The following TTI1 variants were observed in gnomAD, a reference collection of about 807,000 sequenced individuals.
The protein encoded by TTI1 is TELO2-interacting protein 1 homolog.
Under a neutral mutation model 85.4 loss-of-function variants are expected in TTI1, and 52 were observed. The observed-to-expected ratio is 0.61, with a 90% CI of 0.49 to 0.77. TTI1 has a LOEUF of 0.77. Ranked by LOEUF, TTI1 falls within the 30% of genes least tolerant of loss-of-function variation. The pLI is 0.00. For missense variants in TTI1, 1,173 were observed against 1,296.0 expected (o/e 0.91, Z 1.46); for synonymous variants, 512 against 503.9 (o/e 1.02, Z -0.22).
In TTI1 at chr20:38,012,186, T is replaced by C; in HGVS notation, c.1631A>G (p.Lys544Arg). ...TTCTTCTGGGTTTGTTTTAATATGT[T>C]TTTCGTGAAGATCCTCAACCTCCAG... Reference protein sequence around the residue: ...AGLEVEDLHEKHIKTNPEELR... With the variant: ...AGLEVEDLHERHIKTNPEELR... Residue 544 changes from lysine to arginine, a missense_variant, in exon 2 of 8, where the codon AAA (lysine) becomes AGA (arginine). Physicochemically the swap from Lys to Arg is conservative, Grantham distance 26 (BLOSUM62 2). Coordinates refer to ENST00000373447, the MANE Select transcript of TTI1 (RefSeq NM_001303457.2). The C allele has an allele frequency of 1.2e-6, 2 of 1,614,160 alleles. No homozygotes were observed. Among genetic ancestry groups the C allele is most frequent in the Non-Finnish European group, 1.7e-6 (2 of 1,180,026 alleles).
At chr20:38,002,842 G>T (rs777623310) in intron 3 of TTI1, 66 bp from the exon 4 acceptor site, 33 of 1,592,020 alleles carry the variant, frequency 2.1e-5, no homozygotes, top group Non-Finnish European at 2.8e-5. Context: ...CTAAATTTCT[G>T]TTCTTTATAA....
chr20:38,027,980 G>A (rs1445652682), intron 1 of TTI1, among the ~76,000 whole-genome samples: 1 of 152,142 alleles, frequency 6.6e-6, no homozygotes, highest in Non-Finnish European at 1.5e-5. Flanking sequence ...AGTGGAAGTA[G>A]ATCATTACAC....
At chr20:38,023,609 C>A (rs2073798595) in intron 1 of TTI1, among the ~76,000 whole-genome samples, 1 of 152,196 alleles carries the variant, frequency 6.6e-6, no homozygotes, top group Non-Finnish European at 1.5e-5. Context: ...GAGTTTATTT[C>A]TCTTCCCAGC....
intron 1 of TTI1, among the ~76,000 whole-genome samples, chr20:38,027,472 A>G (rs1168431785): frequency 1.3e-5 from 2 of 152,218 alleles, no homozygotes; most frequent in Admixed American, 1.3e-4. Context: ...AAAAATCTCT[A>G]TAAATTTTGA....
chr20:37,992,572 C>T (rs558524154), intron 7 of TTI1, among the ~76,000 whole-genome samples: 4 of 152,286 alleles, frequency 2.6e-5, no homozygotes, highest in East Asian at 1.9e-4. Context: ...CCACAGCACA[C>T]GGCCTGACTT....
intron 3 of TTI1, 37 bp from the exon 4 acceptor site, chr20:38,002,813 A>T (rs1446441616): frequency 1.2e-6 from 2 of 1,605,390 alleles, no homozygotes; most frequent in African/African-American, 2.7e-5. Context: ...GTGTTGTATG[A>T]GTGATAAAAC....
chr20:37,985,529 AT>A (rs751721782), intron 7 of TTI1, among the ~76,000 whole-genome samples: 430 of 140,312 alleles, frequency 3.1e-3, no homozygotes, highest in Non-Finnish European at 2.8e-3. Context: ...AGGGCACTGA[AT>A]TTTTTTTTTT....
chr20:37,988,277 G>C (rs765433960), intron 7 of TTI1, among the ~76,000 whole-genome samples: 10 of 152,210 alleles, frequency 6.6e-5, no homozygotes, highest in Non-Finnish European at 1.3e-4. Context: ...TCAGTTCTAA[G>C]ATCCCTGGTA....
rs771734821 is a variant in TTI1 at position 38,011,570 on chromosome 20, G to A, written c.2247C>T (p.Tyr749=). Residue 749 remains tyrosine, a synonymous_variant, in exon 2 of 8, where the codon TAC becomes TAT. Coordinates refer to ENST00000373447, the MANE Select transcript of TTI1 (RefSeq NM_001303457.2). The part of the protein sequence containing the change: ...QDVLATLDQF[Y]DKRAASFVSV... ...TGACAAAGGAAGCAGCTCTCTTATC[G>A]TAAAATTGGTCCAGGGTGGCCAAGA... 6.8e-6 allele frequency: 11 copies of A among 1,614,084 alleles called. No individual in the cohort carries two copies. Among genetic ancestry groups the A allele is most frequent in the South Asian group, 4.4e-5 (4 of 91,082 alleles).
At chr20:38,030,720 C>G (rs1370666936) in intron 1 of TTI1, among the ~76,000 whole-genome samples, 1 of 152,104 alleles carries the variant, frequency 6.6e-6, no homozygotes, top group Non-Finnish European at 1.5e-5. Context: ...TTGAAGAATC[C>G]TAGGACTCAG....
chr20:38,030,528 AACACACACAC>A (rs3038751), intron 1 of TTI1, among the ~76,000 whole-genome samples: 21 of 144,840 alleles, frequency 1.4e-4, no homozygotes, highest in Non-Finnish European at 2.4e-4. Flanking sequence ...CAGTATGTAA[AACACACACAC>A]ACACACACAC....
chr20:37,999,224 T>C lies in TTI1; in HGVS notation c.2757A>G (p.Thr919=), dbSNP rs1234566942. 2.0e-6 allele frequency: 3 copies of C among 1,512,060 alleles called. No homozygotes were observed. Among genetic ancestry groups the C allele is most frequent in the Non-Finnish European group, 2.7e-6 (3 of 1,128,238 alleles). The allele number at this position is 1,512,060 out of a possible 1,614,324, so 93.7% of individuals were successfully genotyped here. A position where few individuals can be genotyped will look rare whatever the true frequency, so the allele number is the denominator to read the frequency against. ...QAWPSLVHRL[T]RDAPLAVLRA... ...TAAGCACTGCCAGGGGGGCGTCCCG[T>C]GTGAGTCGGTGAACGAGCGAGGGCC... Residue 919 remains threonine, a synonymous_variant, in exon 5 of 8, where the codon ACA becomes ACG. Transcript: ENST00000373447.
intron 4 of TTI1, among the ~76,000 whole-genome samples, chr20:38,001,116 G>T (rs139490187): frequency 6.6e-6 from 1 of 152,296 alleles, no homozygotes; most frequent in East Asian, 1.9e-4. Context: ...GGAGTTCCAT[G>T]AAGACAGGGA....
Position 37,983,139 on chromosome 20 carries a change from A to C in TTI1, c.*317T>G. 1 of 230,312 alleles carries C rather than the reference A, an allele frequency of 4.3e-6. No homozygotes were observed. The allele number at this position is 230,312 out of a possible 1,614,324, so 14.3% of individuals were successfully genotyped here. On this transcript the variant is annotated 3_prime_UTR_variant, in exon 8 of 8. Coordinates refer to ENST00000373447, the MANE Select transcript of TTI1 (RefSeq NM_001303457.2). ...GGGAGGTGTATGCAGATGGAGGGGA[A>C]CTGACCTCTTGTGTGTGTGTGTGTG... is the stretch of plus-strand genomic sequence containing the variant.
rs1181553609 is a variant in TTI1 at position 38,020,324 on chromosome 20, ATATAT to A, written c.-41-6472_-41-6468del. On this transcript the variant is annotated intron_variant, in intron 1 of 7. Coordinates refer to ENST00000373447, the MANE Select transcript of TTI1 (RefSeq NM_001303457.2). ...GCTACTCATATGAAAAAAAAAAAAA[ATATAT>A]ATATATATATATATATATATATATG... is the stretch of plus-strand genomic sequence containing the variant. Among the ~76,000 whole-genome samples the A allele has an allele frequency of 1.4e-3, 63 of 45,796 alleles. 2 individuals carry two copies. The highest frequency in any genetic ancestry group is 3.6e-3 in the African/African-American group (43 of 11,916). The allele number at this position is 45,796 out of a possible 152,430, so 30.0% of individuals were successfully genotyped here. A position where few individuals can be genotyped will look rare whatever the true frequency, so the allele number is the denominator to read the frequency against.
In TTI1 at chr20:38,012,360, A is replaced by G. The variant is rs2073609310; in HGVS notation, c.1457T>C (p.Met486Thr). The change falls in exon 2 of 8, where the codon ATG (methionine) becomes ACG (threonine). Residue 486 changes from methionine to threonine, a missense_variant. Coordinates refer to ENST00000373447, the MANE Select transcript of TTI1 (RefSeq NM_001303457.2). Reference sequence around the variant, plus strand: ...TAGCTGACAAACCTGCCTCAAGAGCATGAAGATTCTCTCATCAGTGAAGAA... The same window carrying G: ...TAGCTGACAAACCTGCCTCAAGAGCGTGAAGATTCTCTCATCAGTGAAGAA... ...FRFFTDERIFMLLRQVCQLLG... is the reference protein window; with the variant it reads ...FRFFTDERIFTLLRQVCQLLG... The G allele has an allele frequency of 6.2e-7, 1 of 1,614,212 alleles. No individual in the cohort carries two copies. Among genetic ancestry groups the G allele is most frequent in the Non-Finnish European group, 8.5e-7 (1 of 1,180,038 alleles).
chr20:38,019,683 G>A (rs189971556), intron 1 of TTI1, among the ~76,000 whole-genome samples: 4 of 152,340 alleles, frequency 2.6e-5, no homozygotes, highest in East Asian at 3.9e-4. Flanking sequence ...TAAGATGGCA[G>A]ACAGAAGTCT....
intron 1 of TTI1, among the ~76,000 whole-genome samples, chr20:38,025,388 G>C (rs1414174965): frequency 6.6e-6 from 1 of 152,070 alleles, no homozygotes; most frequent in Non-Finnish European, 1.5e-5. Flanking sequence ...GGCCAACATG[G>C]TGAAACCGTA....
At chr20:38,029,648 G>T (rs753979813) in intron 1 of TTI1, among the ~76,000 whole-genome samples, 15 of 152,202 alleles carry the variant, frequency 9.9e-5, no homozygotes, top group Non-Finnish European at 1.9e-4. Flanking sequence ...AATGAAACGG[G>T]ACAGTACTAC....
Sources: allele counts gnomAD v4.1 joint callset (sites outside exome capture counted in the v4.1 genomes callset), GRCh38; gene constraint gnomAD v4.1.1; transcripts MANE v1.5; gene names NCBI Gene and HGNC (gene_info 2026-07-23, HGNC 2026-07-21).